The following TNFAIP8 variants were observed in gnomAD, a reference collection of about 807,000 sequenced individuals.
The protein encoded by TNFAIP8 is tumor necrosis factor alpha-induced protein 8.
A neutral mutation model predicts 13.3 loss-of-function variants in TNFAIP8; 7 were observed. That is an observed-to-expected ratio of 0.52 (90% CI 0.30 to 0.99). The LOEUF (loss-of-function observed/expected upper bound fraction) is 0.99. Among genes scored for constraint, TNFAIP8 ranks in the 50% least tolerant of loss-of-function variants. The pLI, the probability that TNFAIP8 is intolerant of heterozygous loss-of-function variation, is 0.07. For missense variants in TNFAIP8, 258 were observed against 236.9 expected (o/e 1.09, Z -0.58); for synonymous variants, 94 against 87.6 (o/e 1.07, Z -0.41).
chr5:119,301,315 A>T (rs1460466793), intron 1 of TNFAIP8, among the ~76,000 whole-genome samples: 1 of 152,006 alleles, frequency 6.6e-6, no homozygotes, highest in Admixed American at 6.6e-5. Flanking sequence ...CACAATTCTT[A>T]CCCCTCTGTC....
chr5:119,306,981 T>C (rs1451912996), intron 1 of TNFAIP8, among the ~76,000 whole-genome samples: 2 of 152,208 alleles, frequency 1.3e-5, no homozygotes, highest in Non-Finnish European at 2.9e-5. Context: ...CAAACTACTG[T>C]TTTTTGTGGA....
chr5:119,325,597 G>A (rs1001777142), intron 1 of TNFAIP8, among the ~76,000 whole-genome samples: 3 of 152,168 alleles, frequency 2.0e-5, no homozygotes, highest in Admixed American at 6.5e-5. Context: ...ACAGGCGTCC[G>A]CCACCATACC....
chr5:119,333,216 G>A, intron 1 of TNFAIP8: 1 of 1,004,810 alleles, frequency 1.0e-6, no homozygotes, highest in South Asian at 4.7e-5. Flanking sequence ...AGGTAATCTT[G>A]CATTTCTATG....
intron 1 of TNFAIP8, among the ~76,000 whole-genome samples, chr5:119,331,462 G>C (rs1185250828): frequency 1.3e-5 from 2 of 152,176 alleles, no homozygotes; most frequent in Non-Finnish European, 2.9e-5. Flanking sequence ...GAGAAAAGGA[G>C]TGTCTTAGGG....
chr5:119,334,923 C>T (rs530924636), intron 1 of TNFAIP8, among the ~76,000 whole-genome samples: 3 of 152,120 alleles, frequency 2.0e-5, no homozygotes, highest in Non-Finnish European at 2.9e-5. Context: ...GGCAGAAAGA[C>T]GTGTACATAA....
chr5:119,278,980 G>T (rs553814254), intron 1 of TNFAIP8, among the ~76,000 whole-genome samples: 1 of 152,218 alleles, frequency 6.6e-6, no homozygotes, highest in African/African-American at 2.4e-5. Context: ...AGCCAGAAAG[G>T]TATCCATCAT....
chr5:119,339,696 T>G (rs1750674197), intron 1 of TNFAIP8, among the ~76,000 whole-genome samples: 1 of 152,024 alleles, frequency 6.6e-6, no homozygotes, highest in South Asian at 2.1e-4. Flanking sequence ...AGTTGAACAA[T>G]GAGAATAAGA....
At chr5:119,300,985 A>G (rs1749372676) in intron 1 of TNFAIP8, among the ~76,000 whole-genome samples, 3 of 152,184 alleles carry the variant, frequency 2.0e-5, no homozygotes, top group Admixed American at 2.0e-4. Context: ...AAGCATTACA[A>G]GTGGGCCCCA....
chr5:119,362,746 C>T (rs6880890), intron 1 of TNFAIP8, among the ~76,000 whole-genome samples: 23,907 of 151,122 alleles, frequency 0.16, 3,747 homozygotes, highest in African/African-American at 0.41. Flanking sequence ...GAGCTATGGT[C>T]GTGCCATTGC....
intron 1 of TNFAIP8, among the ~76,000 whole-genome samples, chr5:119,321,780 G>A (rs1750064697): frequency 6.6e-6 from 1 of 152,188 alleles, no homozygotes; most frequent in Non-Finnish European, 1.5e-5. Flanking sequence ...CTTGTGCAAT[G>A]AGAATGGTCT....
At chr5:119,302,260 G>C (rs1166301767) in intron 1 of TNFAIP8, among the ~76,000 whole-genome samples, 1 of 152,196 alleles carries the variant, frequency 6.6e-6, no homozygotes, top group East Asian at 1.9e-4. Flanking sequence ...TGAGATAGAA[G>C]ATCTGTGCTC....
At chr5:119,375,779 T>A (rs1374388866) in intron 1 of TNFAIP8, among the ~76,000 whole-genome samples, 1 of 152,182 alleles carries the variant, frequency 6.6e-6, no homozygotes, top group Non-Finnish European at 1.5e-5. Context: ...AAATGTTCAA[T>A]TTAGGATCTT....
intron 1 of TNFAIP8, among the ~76,000 whole-genome samples, chr5:119,308,382 C>T (rs1483987961): frequency 6.1e-5 from 9 of 147,794 alleles, no homozygotes; most frequent in East Asian, 5.8e-4. Flanking sequence ...CTCTCTTCTA[C>T]GTTTCCCACC....
chr5:119,327,702 G>A (rs7711312), intron 1 of TNFAIP8, among the ~76,000 whole-genome samples: 14,382 of 152,034 alleles, frequency 0.095, 781 homozygotes, highest in African/African-American at 0.16. Context: ...CAGGTGATCC[G>A]CCTGCCTCAG....
intron 1 of TNFAIP8, among the ~76,000 whole-genome samples, chr5:119,342,591 T>C (rs1750774683): frequency 6.6e-6 from 1 of 152,208 alleles, no homozygotes; most frequent in Non-Finnish European, 1.5e-5. Context: ...GAATGAATAG[T>C]CCACCAGTGC....
At chr5:119,367,971 G>C (rs1317195785) in intron 1 of TNFAIP8, among the ~76,000 whole-genome samples, 1 of 152,148 alleles carries the variant, frequency 6.6e-6, no homozygotes, top group Non-Finnish European at 1.5e-5. Context: ...GAATCAGCTA[G>C]AGTCAGTATT....
intron 1 of TNFAIP8, among the ~76,000 whole-genome samples, chr5:119,312,350 C>G (rs1291203591): frequency 6.6e-6 from 1 of 152,170 alleles, no homozygotes; most frequent in African/African-American, 2.4e-5. Context: ...GACCTCATAT[C>G]ACGAGGATGA....
intron 1 of TNFAIP8, among the ~76,000 whole-genome samples, chr5:119,387,991 T>C (rs1752744529): frequency 6.6e-6 from 1 of 152,226 alleles, no homozygotes; most frequent in African/African-American, 2.4e-5. Flanking sequence ...TTTTCAGCAC[T>C]TTCTCCTTGG....
chr5:119,355,781 T>C (rs7731632), upstream of TNFAIP8: 103,851 of 350,084 alleles, frequency 0.3, 19,474 homozygotes, highest in African/African-American at 0.62. Flanking sequence ...TCTGGGCCTG[T>C]GCCCCACCTG....
Sources: allele counts gnomAD v4.1 joint callset (sites outside exome capture counted in the v4.1 genomes callset), GRCh38; gene constraint gnomAD v4.1.1; transcripts MANE v1.5; gene names NCBI Gene and HGNC (gene_info 2026-07-23, HGNC 2026-07-21).